Variants in POM121C observed in about 807,000 individuals in gnomAD.
POM121C encodes nuclear envelope pore membrane protein POM 121C.
POM121C carries 20 observed loss-of-function variants against 66.4 expected under a neutral mutation model. The observed-to-expected ratio is 0.30, with a 90% confidence interval of 0.21 to 0.44. The LOEUF is 0.44. Among genes scored for constraint, POM121C ranks in the 20% least tolerant of loss-of-function variants. The probability of loss-of-function intolerance (pLI) is 1.00; values close to 1 mark genes in which losing one functional copy is unlikely to be tolerated. For missense variants in POM121C, 580 were observed against 1,225.7 expected (o/e 0.47, Z 7.87); for synonymous variants, 286 against 528.0 (o/e 0.54, Z 6.28).
In POM121C at chr7:75,417,419, C is replaced by A. The variant is rs1212835577; in HGVS notation, c.*1377G>T. On this transcript the variant is annotated 3_prime_UTR_variant, in exon 15 of 15. Transcript: ENST00000615331. ...TTTAAAAGGCAATTTAGCTTAAATA[C>A]AAAAATAAATTTTTGTTAAAAAACG... The A allele has an allele frequency of 2.2e-6, 2 of 907,776 alleles. No homozygotes were observed. Among genetic ancestry groups the A allele is most frequent in the Non-Finnish European group, 2.6e-6 (2 of 758,848 alleles). The allele number at this position is 907,776 out of a possible 1,614,324, so 56.2% of individuals were successfully genotyped here.
chr7:75,469,273 A>AT lies in POM121C; in HGVS notation c.-152+5430dup, dbSNP rs201741135. ...CACTACCAAACCCAGCTAATTTTTT[A>AT]TTTTTTTAGAGACAGGGTCTTGCTA... On this transcript the variant is annotated intron_variant, in intron 3 of 14. Coordinates refer to ENST00000615331, the MANE Select transcript of POM121C (RefSeq NM_001099415.3). Among the ~76,000 whole-genome samples, 153 of 151,714 alleles carry AT rather than the reference A, an allele frequency of 1.0e-3. 1 individual carries two copies. In the East Asian group the frequency reaches 0.027, roughly 27 times the overall value.
intron 7 of POM121C, among the ~76,000 whole-genome samples, chr7:75,435,570 C>T (rs1204584052): frequency 2.6e-5 from 4 of 151,996 alleles, no homozygotes; most frequent in African/African-American, 7.3e-5. Context: ...ACTGAACAAA[C>T]GAACCTCACT....
intron 3 of POM121C, among the ~76,000 whole-genome samples, chr7:75,472,369 C>T (rs189514053): frequency 1.9e-3 from 285 of 151,718 alleles, no homozygotes; most frequent in Non-Finnish European, 3.2e-3. Flanking sequence ...AAAAATAGGC[C>T]GGGCGTGATG....
intron 3 of POM121C, among the ~76,000 whole-genome samples, chr7:75,465,633 A>G (rs1441314106): frequency 6.6e-6 from 1 of 151,096 alleles, no homozygotes; most frequent in Non-Finnish European, 1.5e-5. Context: ...GGCACTTGTA[A>G]TCCCAGCTAC....
At chr7:75,453,374 G>A (rs1358791026) in intron 3 of POM121C, among the ~76,000 whole-genome samples, 8 of 151,162 alleles carry the variant, frequency 5.3e-5, no homozygotes, top group African/African-American at 9.7e-5. Context: ...CCTGAGGTCC[G>A]GAGTTTGAGA....
chr7:75,441,114 G>C lies in POM121C; in HGVS notation c.67C>G (p.Pro23Ala). Residue 23 changes from proline (P) to alanine (A), a missense_variant and splice_region_variant, in exon 5 of 15, where the codon CCA (proline) becomes GCA (alanine). Coordinates refer to ENST00000615331, the MANE Select transcript of POM121C (RefSeq NM_001099415.3). ...PDRRFSRSAI[P>A]EQIISSTLSS... ...AGTGTTGAGCTGATTATCTGCTCTG[G>C]TCTATAATGAAAGACAAGATTCTAG... 1 of 1,612,940 alleles carries C rather than the reference G, an allele frequency of 6.2e-7. No homozygotes were observed. The highest frequency in any genetic ancestry group is 8.5e-7 in the Non-Finnish European group (1 of 1,179,604).
Position 75,460,545 on chromosome 7 carries a change from CTG to C in POM121C, c.-152+14157_-152+14158del, listed in dbSNP as rs1175201861. ...TCACATAAGATGGCAGAGTAGGAAG[CTG>C]TAGTGTAGAGATCAGTCCCTTCACT... On this transcript the variant is annotated intron_variant, in intron 3 of 14. Coordinates refer to ENST00000615331, the MANE Select transcript of POM121C (RefSeq NM_001099415.3). Among the ~76,000 whole-genome samples, 14 of 152,092 alleles carry C rather than the reference CTG, an allele frequency of 9.2e-5. No homozygotes were observed. In the South Asian group the frequency reaches 2.9e-3, roughly 32 times the overall value.
intron 3 of POM121C, among the ~76,000 whole-genome samples, chr7:75,473,687 TTTG>T (rs1563158222): frequency 2.0e-4 from 29 of 147,674 alleles, no homozygotes; most frequent in African/African-American, 4.7e-4. Flanking sequence ...TGTTTGTTTG[TTTG>T]TTTTTTTGTT....
chr7:75,432,578 A>G (rs1263353913), intron 7 of POM121C, among the ~76,000 whole-genome samples: 1 of 152,226 alleles, frequency 6.6e-6, no homozygotes, highest in Non-Finnish European at 1.5e-5. Context: ...GTTTCTGGTG[A>G]TGAAAATGTT....
chr7:75,449,965 G>T (rs143788871), intron 3 of POM121C, among the ~76,000 whole-genome samples: 4,370 of 152,224 alleles, frequency 0.029, 86 homozygotes, highest in Non-Finnish European at 0.043. Flanking sequence ...AGTGAGCCGA[G>T]ATCGTGCCAC....
At chr7:75,446,901 G>C (rs1335632425) in intron 3 of POM121C, among the ~76,000 whole-genome samples, 1 of 143,790 alleles carries the variant, frequency 7.0e-6, no homozygotes, top group Non-Finnish European at 1.5e-5. Context: ...CCAGCTACTC[G>C]GGAGGCTGAG....
chr7:75,424,887 G>C (rs1554471492), intron 10 of POM121C, 187 bp downstream of exon 10: 3 of 1,295,558 alleles, frequency 2.3e-6, no homozygotes, highest in African/African-American at 3.0e-5. Flanking sequence ...TTGAACTCAG[G>C]AGGCAGAGGT....
At chr7:75,423,950 A>G (rs1789828105) in intron 12 of POM121C, 99 bp downstream of exon 12, 3 of 1,528,074 alleles carry the variant, frequency 2.0e-6, no homozygotes, top group East Asian at 2.3e-5. Flanking sequence ...TTCGGCCTGC[A>G]GAGCAATCTC....
chr7:75,442,719 T>C (rs1400098466), intron 3 of POM121C: 10 of 1,363,342 alleles, frequency 7.3e-6, no homozygotes, highest in Non-Finnish European at 8.4e-6. Flanking sequence ...GCCGGAGACA[T>C]CGCGGCTCCG....
At chr7:75,461,761 CTG>C (rs1390670399) in intron 3 of POM121C, among the ~76,000 whole-genome samples, 2 of 152,008 alleles carry the variant, frequency 1.3e-5, no homozygotes, top group Non-Finnish European at 2.9e-5. Context: ...AAAATACGTT[CTG>C]TGACTGTAAA....
At chr7:75,451,992 T>C (rs587700677) in intron 3 of POM121C, among the ~76,000 whole-genome samples, 1 of 147,020 alleles carries the variant, frequency 6.8e-6, no homozygotes, top group East Asian at 2.0e-4. Flanking sequence ...AATTACTGAA[T>C]TACTCTACTA....
intron 3 of POM121C, among the ~76,000 whole-genome samples, chr7:75,450,039 A>G (rs1391083211): frequency 1.3e-5 from 2 of 151,864 alleles, no homozygotes; most frequent in Non-Finnish European, 2.9e-5. Context: ...AACAAGCAGA[A>G]ATGCCAGAGA....
At chr7:75,476,528 A>T (rs1244031426) in intron 1 of POM121C, among the ~76,000 whole-genome samples, 1 of 152,200 alleles carries the variant, frequency 6.6e-6, no homozygotes, top group African/African-American at 2.4e-5. Flanking sequence ...AAGAGATAGC[A>T]GAGGCAGAGC....
chr7:75,454,296 A>G (rs1791130574), intron 3 of POM121C, among the ~76,000 whole-genome samples: 1 of 152,220 alleles, frequency 6.6e-6, no homozygotes, highest in Non-Finnish European at 1.5e-5. Flanking sequence ...TCTGGGACGA[A>G]GTGAGATCTT....
Sources: allele counts gnomAD v4.1 joint callset (sites outside exome capture counted in the v4.1 genomes callset), GRCh38; gene constraint gnomAD v4.1.1; transcripts MANE v1.5; gene names NCBI Gene and HGNC (gene_info 2026-07-23, HGNC 2026-07-21).